The following AK1 variants were observed in gnomAD, a reference collection of about 807,000 sequenced individuals.
AK1 encodes adenylate kinase 1.
AK1 carries 13 observed loss-of-function variants against 23.9 expected under a neutral mutation model. The ratio of observed to expected loss-of-function variants is 0.54; its 90% CI spans 0.35 to 0.86. The LOEUF (loss-of-function observed/expected upper bound fraction) is 0.86. Ranked by LOEUF, AK1 falls within the 40% of genes least tolerant of loss-of-function variation. The pLI is 0.01. For synonymous variants in AK1, 97 were observed against 102.8 expected (o/e 0.94, Z 0.34); for missense variants, 214 against 255.1 (o/e 0.84, Z 1.10).
chr9:127,874,466 A>AT, intron 2 of AK1, 145 bp downstream of exon 2: 1 of 1,588,870 alleles, frequency 6.3e-7, no homozygotes, highest in East Asian at 2.3e-5. Context: ...CCAGAGGAGG[A>AT]TACTGGAGGC....
rs7018806 is a variant in AK1, at chr9:127,872,345, G to C, written c.207+345C>G. On this transcript the variant is annotated intron_variant, in intron 4 of 6. Coordinates refer to ENST00000644144, the MANE Select transcript of AK1 (RefSeq NM_000476.3). Reference sequence around the variant, plus strand: ...TGGGGCTTCTGGAGTAGAAAATTGGGGGGGGAGGTCTTAGGCCAAATCTGG... The same window carrying C: ...TGGGGCTTCTGGAGTAGAAAATTGGCGGGGGAGGTCTTAGGCCAAATCTGG... 9.7e-4 allele frequency among the ~76,000 whole-genome samples: 145 copies of C among 150,204 alleles called. 1 individual carries two copies. Among genetic ancestry groups the C allele is most frequent in the Non-Finnish European group, 1.4e-3 (93 of 68,016 alleles).
chr9:127,877,811 G>A (rs903455953), upstream of AK1: 2 of 152,190 alleles, frequency 1.3e-5, no homozygotes, highest in African/African-American at 4.8e-5. This position sits in a 1 kb window ranked among gnomAD's most constrained non-coding sequence, Gnocchi z 5.2. Flanking sequence ...GCGGGACCGA[G>A]CCCGAGCCCG....
chr9:127,873,260 G>T (rs1221552593), intron 2 of AK1, 199 bp from the exon 3 acceptor site: 4 of 1,534,918 alleles, frequency 2.6e-6, no homozygotes. Context: ...GGTCAGGGAA[G>T]AGAGGGTGCT....
chr9:127,870,510 A>G (rs1829368695), intron 5 of AK1, among the ~76,000 whole-genome samples: 2 of 150,894 alleles, frequency 1.3e-5, no homozygotes, highest in Admixed American at 1.3e-4. Flanking sequence ...ACTTTCATTA[A>G]CTCTATTTTC....
rs77648429 is a variant in AK1, at chr9:127,873,990, G to C, written c.7+621C>G. The C allele has an allele frequency of 6.3e-3, 6,161 of 985,398 alleles. 29 individuals carry two copies. The highest frequency in any genetic ancestry group is 7.1e-3 in the Non-Finnish European group (5,851 of 829,906). The allele number at this position is 985,398 out of a possible 1,614,324, so 61.0% of individuals were successfully genotyped here. On this transcript the variant is annotated intron_variant, in intron 2 of 6. Transcript: ENST00000644144. The stretch of plus-strand genomic sequence containing the variant: ...GGCTCCTCCTGTGGGCCCCTATCCC[G>C]GGGGTGCAGTGGCCGCAGCCCTATG...
intron 2 of AK1, chr9:127,874,325 G>A: frequency 1.0e-6 from 1 of 985,384 alleles, no homozygotes; most frequent in Non-Finnish European, 1.2e-6. Flanking sequence ...GTGTATCTGT[G>A]GCCTCTCCAT....
At chr9:127,869,815 TCA>T (rs1293021188) in intron 5 of AK1, among the ~76,000 whole-genome samples, 2 of 152,336 alleles carry the variant, frequency 1.3e-5, no homozygotes, top group East Asian at 1.9e-4. Flanking sequence ...GGGCACAGAC[TCA>T]CAGTCTCTGG....
intron 1 of AK1, 95 bp from the exon 2 acceptor site, chr9:127,874,744 G>C: frequency 8.0e-7 from 1 of 1,248,604 alleles, no homozygotes; most frequent in Non-Finnish European, 1.2e-6. Context: ...TGTGTGCCAG[G>C]CCCGACATGC....
At chr9:127,873,088 C>G (rs543017470) in intron 2 of AK1, 27 bp from the exon 3 acceptor site, 1 of 1,610,006 alleles carries the variant, frequency 6.2e-7, no homozygotes, top group Non-Finnish European at 8.5e-7. Flanking sequence ...GGGAGCAGGG[C>G]TCAGTCACTC....
At chr9:127,873,414 T>C in intron 2 of AK1, 1 of 1,578,530 alleles carries the variant, frequency 6.3e-7, no homozygotes. Flanking sequence ...CAGATCGTCT[T>C]CTCTGCGGGG....
rs1382037043 is a variant in AK1 at position 127,868,936 on chromosome 9, G to GC, written c.325-425dup. ...GGCAGTCTCTCTGATGCCACCCCCC[G>GC]CCCCCCAGTACTCCCCGCCTCCTGG... On this transcript the variant is annotated intron_variant, in intron 5 of 6. Coordinates refer to ENST00000644144, the MANE Select transcript of AK1 (RefSeq NM_000476.3). This position sits in a 1 kb window ranked among gnomAD's most constrained non-coding sequence, Gnocchi z 4.1. Among the ~76,000 whole-genome samples the GC allele has an allele frequency of 1.3e-5, 2 of 151,800 alleles. No individual in the cohort carries two copies. The highest frequency in any genetic ancestry group is 4.8e-5 in the African/African-American group (2 of 41,288).
Position 127,871,907 on chromosome 9 carries a change from C to A in AK1, c.240G>T (p.Met80Ile), listed in dbSNP as rs774424327. 1 of 1,614,126 alleles carries A rather than the reference C, an allele frequency of 6.2e-7. No individual in the cohort carries two copies. Among genetic ancestry groups the A allele is most frequent in the Non-Finnish European group, 8.5e-7 (1 of 1,180,026 alleles). ...ETVLDMLRDA[M>I]VAKVNTSKGF... ...CTTTGGAAGTATTGACTTTGGCCAC[C>A]ATGGCATCCCGGAGCATGTCCAACA... Residue 80 changes from methionine (M) to isoleucine (I), a missense_variant, in exon 5 of 7, where the codon ATG becomes ATT. Transcript: ENST00000644144. The surrounding 1 kb of genome is among the most constrained non-coding windows in gnomAD (Gnocchi z 4.4).
chr9:127,873,892 A>T, intron 2 of AK1: 1 of 985,272 alleles, frequency 1.0e-6, no homozygotes, highest in Non-Finnish European at 1.2e-6. Flanking sequence ...TTCCCCAGGG[A>T]GGAGGTGGGC....
chr9:127,868,281 C>T lies in AK1; in HGVS notation c.516+40G>A. The T allele has an allele frequency of 6.5e-7, 1 of 1,547,152 alleles. No individual in the cohort carries two copies. Among genetic ancestry groups the T allele is most frequent in the Non-Finnish European group, 8.7e-7 (1 of 1,143,912 alleles). On this transcript the variant is annotated intron_variant, in intron 6 of 6. Transcript: ENST00000644144. The surrounding 1 kb of genome is among the most constrained non-coding windows in gnomAD (Gnocchi z 4.1). Reference sequence around the variant, plus strand: ...AGCTGAGGCGGAGCCACATAGGAACCCGTTCTTCCCGGAGCTGCCCCTGGG... The same window carrying T: ...AGCTGAGGCGGAGCCACATAGGAACTCGTTCTTCCCGGAGCTGCCCCTGGG...
chr9:127,872,047 A>C, intron 4 of AK1, 108 bp from the exon 5 acceptor site: 1 of 947,838 alleles, frequency 1.1e-6, no homozygotes, highest in East Asian at 2.5e-5. Flanking sequence ...TCCCCAACAC[A>C]AATGTCCCAA....
At chr9:127,873,654 G>A (rs1274152276) in intron 2 of AK1, 33 of 1,390,502 alleles carry the variant, frequency 2.4e-5, no homozygotes, top group African/African-American at 1.3e-4. Flanking sequence ...CCTCTGTCTC[G>A]TCCCGCCTGC....
chr9:127,870,702 A>AGGTCTTGC (rs1018119783), intron 5 of AK1, among the ~76,000 whole-genome samples: 2 of 152,140 alleles, frequency 1.3e-5, no homozygotes, highest in African/African-American at 4.8e-5. Flanking sequence ...CACTTTCCTG[A>AGGTCTTGC]GGTCTTGCAG....
In AK1 at chr9:127,872,657, C is replaced by A. The variant is rs1483771439; in HGVS notation, c.207+33G>T. 9 of 1,612,966 alleles carry A rather than the reference C, an allele frequency of 5.6e-6. No individual in the cohort carries two copies. The highest frequency in any genetic ancestry group is 7.6e-6 in the Non-Finnish European group (9 of 1,179,948). On this transcript the variant is annotated intron_variant, in intron 4 of 6. Coordinates refer to ENST00000644144, the MANE Select transcript of AK1 (RefSeq NM_000476.3). ...GACACCCACTCAGGGCTACTGTCAT[C>A]CCCTGCCTCTCACCCCACCAGGGCC...
rs117372957 is a variant in AK1, at chr9:127,875,748, C to T, written c.-32-1099G>A. 3.0e-3 allele frequency among the ~76,000 whole-genome samples: 456 copies of T among 152,186 alleles called. 9 individuals are homozygous for T. In the East Asian group the frequency reaches 0.069, roughly 23 times the overall value. On this transcript the variant is annotated intron_variant, in intron 1 of 6. Transcript: ENST00000644144. The stretch of plus-strand genomic sequence containing the variant: ...CCAGCTCCAGGCCCCTATGGCCAAG[C>T]CACAGGCTGAGTCAGTGTGAAGGCT...
Sources: gnomAD v4.1 joint callset for allele counts (sites outside exome capture counted in the v4.1 genomes callset) on GRCh38, gnomAD v4.1.1 for gene constraint, Gnocchi (gnomAD v3.1) non-coding constraint, MANE v1.5 for transcripts, NCBI Gene and HGNC (gene_info 2026-07-23, HGNC 2026-07-21) for gene names.